The following LRBA variants were observed in gnomAD, a reference collection of about 807,000 sequenced individuals.
The protein encoded by LRBA is lipopolysaccharide-responsive and beige-like anchor protein.
A neutral mutation model predicts 330.0 loss-of-function variants in LRBA; 176 were observed. The ratio of observed to expected loss-of-function variants is 0.53; its 90% confidence interval spans 0.47 to 0.60. The LOEUF (loss-of-function observed/expected upper bound fraction) is 0.60, where lower values mean the gene tolerates loss of function less well. LRBA is among the 20% of genes least tolerant of loss of function. The probability of loss-of-function intolerance (pLI) is 0.00; values close to 1 mark genes in which losing one functional copy is unlikely to be tolerated. For synonymous variants in LRBA, 1,230 were observed against 1,193.0 expected (o/e 1.03, Z -0.64); for missense variants, 3,259 against 3,444.8 (o/e 0.95, Z 1.35).
rs778724613 is a variant in LRBA at position 150,915,747 on chromosome 4, T to A, written c.895-20A>T. On this transcript the variant is annotated intron_variant, in intron 7 of 56. Transcript: ENST00000651943. Reference sequence around the variant, plus strand: ...ATACCACTGCAGAAGCAAAAAACAGTTAAAAATACAAAGATAACAATTATC... The same window carrying A: ...ATACCACTGCAGAAGCAAAAAACAGATAAAAATACAAAGATAACAATTATC... The A allele has an allele frequency of 1.3e-6, 2 of 1,572,366 alleles. No homozygotes were observed. Among genetic ancestry groups the A allele is most frequent in the Non-Finnish European group, 8.6e-7 (1 of 1,161,848 alleles).
chr4:150,685,546 G>C (rs923952506), intron 36 of LRBA, among the ~76,000 whole-genome samples: 2 of 142,858 alleles, frequency 1.4e-5, no homozygotes, highest in Non-Finnish European at 3.0e-5. Context: ...CAATTCTCCT[G>C]CCTCGACCTC....
At chr4:150,349,739 A>G (rs1230215484) in intron 48 of LRBA, among the ~76,000 whole-genome samples, 8 of 152,232 alleles carry the variant, frequency 5.3e-5, no homozygotes, top group African/African-American at 1.7e-4. Flanking sequence ...AAAATTATAA[A>G]TAAGATTATT....
At chr4:150,398,791 T>C (rs1045465122) in intron 47 of LRBA, among the ~76,000 whole-genome samples, 2 of 152,084 alleles carry the variant, frequency 1.3e-5, no homozygotes, top group African/African-American at 4.8e-5. Context: ...CACACCTAGA[T>C]AAGTTTTTTT....
intron 36 of LRBA, among the ~76,000 whole-genome samples, chr4:150,691,408 C>T (rs543400347): frequency 2.0e-4 from 30 of 152,220 alleles, no homozygotes; most frequent in African/African-American, 7.0e-4. Context: ...TTTGAACAGG[C>T]ATTTCACAAA....
At chr4:150,433,298 T>G (rs1750677350) in intron 46 of LRBA, among the ~76,000 whole-genome samples, 1 of 152,018 alleles carries the variant, frequency 6.6e-6, no homozygotes, top group Non-Finnish European at 1.5e-5. Flanking sequence ...TTTTAAAGAA[T>G]TTTTAGAGAA....
intron 36 of LRBA, among the ~76,000 whole-genome samples, chr4:150,709,206 GT>G (rs1450797676): frequency 6.6e-6 from 1 of 151,826 alleles, no homozygotes. Context: ...ACCCGAACAT[GT>G]TTTTGGAAAC....
intron 44 of LRBA, among the ~76,000 whole-genome samples, chr4:150,456,085 A>C (rs889342269): frequency 6.6e-6 from 1 of 152,142 alleles, no homozygotes; most frequent in African/African-American, 2.4e-5. Context: ...ATGGATACTT[A>C]GGTTGCTTCC....
chr4:150,989,406 T>C (rs1209801471), intron 2 of LRBA, among the ~76,000 whole-genome samples: 1 of 151,676 alleles, frequency 6.6e-6, no homozygotes, highest in Non-Finnish European at 1.5e-5. Context: ...CGAGGTCAGG[T>C]GTTCGAGACC....
At chr4:150,509,520 C>T (rs1181007383) in intron 40 of LRBA, among the ~76,000 whole-genome samples, 1 of 149,366 alleles carries the variant, frequency 6.7e-6, no homozygotes, top group Non-Finnish European at 1.5e-5. Flanking sequence ...AAGTTAAACC[C>T]AGATTAAGCA....
Position 150,761,847 on chromosome 4 carries a change from C to T in LRBA, c.5581G>A (p.Glu1861Lys). Reference protein sequence around the residue: ...VELVMLLCSQEWQNSIQKNAG... With the variant: ...VELVMLLCSQKWQNSIQKNAG... ...TTCTTCTGAATAGAATTTTGCCACTCCTATAAAAAAAAAAGCAAAAATAGC... is the reference window on the plus strand; with the variant it reads ...TTCTTCTGAATAGAATTTTGCCACTTCTATAAAAAAAAAAGCAAAAATAGC... The change falls in exon 35 of 57, where the codon GAG becomes AAG. Residue 1861 changes from glutamate (E) to lysine (K), a missense_variant and splice_region_variant. By Grantham distance (56) the Glu-to-Lys change is moderately conservative. Coordinates refer to ENST00000651943, the MANE Select transcript of LRBA (RefSeq NM_001364905.1). The T allele has an allele frequency of 6.6e-7, 1 of 1,510,452 alleles. No individual in the cohort carries two copies. Among genetic ancestry groups the T allele is most frequent in the Non-Finnish European group, 8.8e-7 (1 of 1,130,120 alleles). The allele number at this position is 1,510,452 out of a possible 1,614,324, so 93.6% of individuals were successfully genotyped here. A position where few individuals can be genotyped will look rare whatever the true frequency, so the allele number is the denominator to read the frequency against.
intron 36 of LRBA, among the ~76,000 whole-genome samples, chr4:150,717,352 C>A (rs952222637): frequency 6.6e-6 from 1 of 152,092 alleles, no homozygotes; most frequent in African/African-American, 2.4e-5. Context: ...GGAAAAAAAT[C>A]TTTGAATTCT....
At position 150,849,551 on chromosome 4, in the gene LRBA, G is replaced by T; in HGVS notation, c.4029C>A (p.Asp1343Glu). 6.2e-7 allele frequency: 1 copy of T among 1,612,552 alleles called. No homozygotes were observed. Among genetic ancestry groups the T allele is most frequent in the Non-Finnish European group, 8.5e-7 (1 of 1,178,898 alleles). The change falls in exon 25 of 57, where the codon GAC becomes GAA. Residue 1343 changes from aspartate (D) to glutamate (E), a missense_variant. Coordinates refer to ENST00000651943, the MANE Select transcript of LRBA (RefSeq NM_001364905.1). ...WRSHSTKTVM[D>E]FVNSSDNVIF... Reference sequence around the variant, plus strand: ...TGACATTATCACTGCTATTCACGAAGTCCATAACTGTCTTTGTTGAATGGC... The same window carrying T: ...TGACATTATCACTGCTATTCACGAATTCCATAACTGTCTTTGTTGAATGGC...
intron 2 of LRBA, among the ~76,000 whole-genome samples, chr4:151,010,604 G>A (rs1385001000): frequency 6.6e-6 from 1 of 152,186 alleles, no homozygotes; most frequent in East Asian, 1.9e-4. Context: ...CTCTGGGCCA[G>A]GCACGGTGGC....
rs951690286 is a variant in LRBA at position 150,791,751 on chromosome 4, G to A, written c.5580+6330C>T. ...ATAATGAAGTTAAGAAGGCTTGGCC[G>A]GGCGCGGTGGCTCATGCCTGTAATC... is the stretch of plus-strand genomic sequence containing the variant. On this transcript the variant is annotated intron_variant, in intron 34 of 56. Coordinates refer to ENST00000651943, the MANE Select transcript of LRBA (RefSeq NM_001364905.1). Among the ~76,000 whole-genome samples the A allele has an allele frequency of 4.6e-5, 7 of 152,196 alleles. No homozygotes were observed. The South Asian group carries it at 6.2e-4, about 14-fold the overall frequency.
chr4:150,585,154 T>C (rs930334768), intron 40 of LRBA, among the ~76,000 whole-genome samples: 1 of 152,144 alleles, frequency 6.6e-6, no homozygotes, highest in African/African-American at 2.4e-5. Context: ...CTTCAACCGT[T>C]TGTCCTCTTC....
intron 37 of LRBA, among the ~76,000 whole-genome samples, chr4:150,620,363 T>G (rs1263669399): frequency 2.0e-5 from 3 of 152,206 alleles, no homozygotes; most frequent in Non-Finnish European, 4.4e-5. Flanking sequence ...GGTGGGAATG[T>G]AAATTAATAC....
intron 47 of LRBA, among the ~76,000 whole-genome samples, chr4:150,355,163 C>G (rs1737673197): frequency 6.6e-6 from 1 of 151,926 alleles, no homozygotes; most frequent in Non-Finnish European, 1.5e-5. Context: ...AATAAAAATT[C>G]TAAACTAAAA....
At chr4:150,676,899 C>T (rs1296890493) in intron 37 of LRBA, among the ~76,000 whole-genome samples, 9 of 152,126 alleles carry the variant, frequency 5.9e-5, no homozygotes, top group Admixed American at 5.9e-4. Context: ...CAAACAGAAA[C>T]CAAAATTCCC....
intron 49 of LRBA, among the ~76,000 whole-genome samples, chr4:150,324,579 C>G (rs759265651): frequency 1.3e-5 from 2 of 149,260 alleles, no homozygotes; most frequent in Non-Finnish European, 3.0e-5. Context: ...GAAAAAAAGA[C>G]ACAGAAGGTG....
Sources: gnomAD v4.1 joint callset for allele counts (sites outside exome capture counted in the v4.1 genomes callset) on GRCh38, gnomAD v4.1.1 for gene constraint, MANE v1.5 for transcripts, NCBI Gene and HGNC (gene_info 2026-07-23, HGNC 2026-07-21) for gene names.